The following RBFOX1 variants were observed in gnomAD, a reference collection of about 807,000 sequenced individuals.
The protein encoded by RBFOX1 is RNA binding protein fox-1 homolog 1.
Under a neutral mutation model 57.7 loss-of-function variants are expected in RBFOX1, and 8 were observed. The observed-to-expected ratio is 0.14, with a 90% CI of 0.08 to 0.25. The LOEUF (loss-of-function observed/expected upper bound fraction) is 0.25, where lower values mean the gene tolerates loss of function less well. Among genes scored for constraint, RBFOX1 ranks in the 10% least tolerant of loss-of-function variants. The pLI is 1.00. For missense variants in RBFOX1, 611 were observed against 548.5 expected (o/e 1.11, Z -1.14); for synonymous variants, 326 against 222.4 (o/e 1.47, Z -4.15).
At chr16:6,779,512 C>A (rs1439936782) in intron 3 of RBFOX1, among the ~76,000 whole-genome samples, 1 of 151,098 alleles carries the variant, frequency 6.6e-6, no homozygotes, top group Non-Finnish European at 1.5e-5. Context: ...CACTAACTTT[C>A]TTTCATTTGA....
chr16:5,272,907 T>G (rs1447603632), intron 1 of RBFOX1, among the ~76,000 whole-genome samples: 1 of 152,214 alleles, frequency 6.6e-6, no homozygotes, highest in Admixed American at 6.5e-5. Context: ...ACTCCACAAA[T>G]GGGATTCAGC....
intron 1 of RBFOX1, among the ~76,000 whole-genome samples, chr16:5,340,768 A>G (rs1462620049): frequency 6.6e-6 from 1 of 152,216 alleles, no homozygotes; most frequent in African/African-American, 2.4e-5. Flanking sequence ...TGCTGGAGAC[A>G]CCGTGATGAA....
At chr16:5,699,560 A>G (rs2050962473) in intron 3 of RBFOX1, among the ~76,000 whole-genome samples, 1 of 152,004 alleles carries the variant, frequency 6.6e-6, no homozygotes, top group African/African-American at 2.4e-5. Flanking sequence ...CTAATTGCCA[A>G]ATGTCTGCTT....
intron 3 of RBFOX1, among the ~76,000 whole-genome samples, chr16:7,020,891 C>G (rs374125307): frequency 1.3e-5 from 2 of 152,176 alleles, no homozygotes; most frequent in East Asian, 1.9e-4. Context: ...CTTTGCGATG[C>G]TAAGACAGGC....
intron 2 of RBFOX1, among the ~76,000 whole-genome samples, chr16:6,648,364 A>C (rs755725156): frequency 6.7e-6 from 1 of 148,808 alleles, no homozygotes; most frequent in Non-Finnish European, 1.5e-5. Flanking sequence ...ACTGGCTCCC[A>C]GGGGCATCGT....
chr16:6,883,073 C>G lies in RBFOX1; in HGVS notation c.-15-168984C>G, dbSNP rs144623618. Among the ~76,000 whole-genome samples the G allele has an allele frequency of 3.9e-4, 59 of 152,244 alleles. 1 individual carries two copies. The East Asian group carries it at 0.011, about 28-fold the overall frequency. ...ATTGCTGTATTCATAGATGGCTTCT[C>G]AAACCATTATTAATGATGTAATTAG... On this transcript the variant is annotated intron_variant, in intron 3 of 15. Coordinates refer to ENST00000550418, the MANE Select transcript of RBFOX1 (RefSeq NM_018723.4).
intron 4 of RBFOX1, among the ~76,000 whole-genome samples, chr16:6,010,933 T>C (rs1326435753): frequency 6.6e-6 from 1 of 152,188 alleles, no homozygotes; most frequent in Non-Finnish European, 1.5e-5. Flanking sequence ...AGCACAGAAA[T>C]GTAAATTATG....
At chr16:7,284,725 G>A (rs1185919735) in intron 4 of RBFOX1, among the ~76,000 whole-genome samples, 1 of 152,162 alleles carries the variant, frequency 6.6e-6, no homozygotes, top group Non-Finnish European at 1.5e-5. Flanking sequence ...CTAGCTCTGC[G>A]ACCTCACGGT....
intron 4 of RBFOX1, among the ~76,000 whole-genome samples, chr16:7,506,475 C>T (rs1011728691): frequency 6.6e-6 from 1 of 152,060 alleles, no homozygotes; most frequent in African/African-American, 2.4e-5. Flanking sequence ...ATTTTGTATG[C>T]TTGGTGCTTA....
At chr16:6,839,489 C>A (rs1243695742) in intron 3 of RBFOX1, among the ~76,000 whole-genome samples, 5 of 152,144 alleles carry the variant, frequency 3.3e-5, no homozygotes, top group African/African-American at 9.7e-5. Context: ...AAATAGGTTT[C>A]TTTTATTATG....
intron 1 of RBFOX1, among the ~76,000 whole-genome samples, chr16:6,275,684 C>G (rs926260319): frequency 6.6e-6 from 1 of 152,042 alleles, no homozygotes; most frequent in African/African-American, 2.4e-5. Context: ...AGGGACATAC[C>G]TATTTTTAAA....
chr16:7,330,616 T>C (rs2096676596), intron 4 of RBFOX1, among the ~76,000 whole-genome samples: 1 of 151,976 alleles, frequency 6.6e-6, no homozygotes, highest in Non-Finnish European at 1.5e-5. Flanking sequence ...TCAAGTTTGC[T>C]TATTGAAGCA....
intron 3 of RBFOX1, among the ~76,000 whole-genome samples, chr16:6,803,170 A>G (rs190532850): frequency 2.0e-5 from 3 of 152,180 alleles, no homozygotes; most frequent in Admixed American, 2.0e-4. Flanking sequence ...TGAGTTAGAC[A>G]TTTAAGGACA....
chr16:5,488,130 G>A (rs1024610322), intron 2 of RBFOX1, among the ~76,000 whole-genome samples: 14 of 141,406 alleles, frequency 9.9e-5, no homozygotes, highest in South Asian at 5.0e-4. Context: ...TGATGATAAT[G>A]GAAGATAATG....
intron 4 of RBFOX1, among the ~76,000 whole-genome samples, chr16:7,166,712 ACT>A (rs1222354456): frequency 6.6e-6 from 1 of 151,884 alleles, no homozygotes; most frequent in African/African-American, 2.4e-5. Context: ...CACTAGGATG[ACT>A]CTAACCGGCA....
chr16:6,472,630 CT>C (rs370784090), intron 2 of RBFOX1, among the ~76,000 whole-genome samples: 160 of 144,910 alleles, frequency 1.1e-3, no homozygotes, highest in Middle Eastern at 3.5e-3. Context: ...TTCTTTCTTT[CT>C]TTTTTTTTTT....
chr16:7,051,014 G>T (rs527710821), intron 3 of RBFOX1, among the ~76,000 whole-genome samples: 1 of 151,944 alleles, frequency 6.6e-6, no homozygotes, highest in Non-Finnish European at 1.5e-5. Context: ...TACAAAATGC[G>T]TAAAATATAC....
intron 1 of RBFOX1, among the ~76,000 whole-genome samples, chr16:6,139,694 C>T (rs975309256): frequency 6.6e-6 from 1 of 152,206 alleles, no homozygotes; most frequent in Admixed American, 6.5e-5. Flanking sequence ...CATCTTTTCT[C>T]TACTAGCCTC....
chr16:5,832,487 C>A (rs1255516493), intron 3 of RBFOX1, among the ~76,000 whole-genome samples: 2 of 152,224 alleles, frequency 1.3e-5, no homozygotes, highest in African/African-American at 4.8e-5. Context: ...ATAGTCCCAG[C>A]TCTTGGGGCT....
Sources: allele counts gnomAD v4.1 joint callset (sites outside exome capture counted in the v4.1 genomes callset), GRCh38; gene constraint gnomAD v4.1.1; transcripts MANE v1.5; gene names NCBI Gene and HGNC (gene_info 2026-07-23, HGNC 2026-07-21).